The following MARCHF8 variants were observed in gnomAD, a reference collection of about 807,000 sequenced individuals.
The protein encoded by MARCHF8 is membrane associated ring-CH-type finger 8.
Under a neutral mutation model 51.6 loss-of-function variants are expected in MARCHF8, and 40 were observed. The ratio of observed to expected loss-of-function variants is 0.77; its 90% CI spans 0.60 to 1.01. The LOEUF (loss-of-function observed/expected upper bound fraction) is 1.01. Ranked by LOEUF, MARCHF8 falls within the 50% of genes least tolerant of loss-of-function variation. The pLI is 0.00. For missense variants in MARCHF8, 685 were observed against 708.6 expected, an observed-to-expected ratio of 0.97 and a Z score of 0.38; for synonymous variants, 263 against 280.3, an observed-to-expected ratio of 0.94 and a Z score of 0.62.
chr10:45,500,831 A>G (rs2043265543), intron 2 of MARCHF8, among the ~76,000 whole-genome samples: 1 of 152,074 alleles, frequency 6.6e-6, no homozygotes, highest in South Asian at 2.1e-4. Flanking sequence ...CAGAGGATAC[A>G]AAATAGACAT....
intron 1 of MARCHF8, among the ~76,000 whole-genome samples, chr10:45,587,123 A>G (rs1205550511): frequency 2.0e-5 from 3 of 152,174 alleles, no homozygotes; most frequent in African/African-American, 7.2e-5. Flanking sequence ...AAGGCAAGAA[A>G]AAGAAATAGA....
intron 2 of MARCHF8, among the ~76,000 whole-genome samples, chr10:45,495,460 C>CA (rs1395098784): frequency 6.6e-6 from 1 of 152,074 alleles, no homozygotes; most frequent in African/African-American, 2.4e-5. Context: ...ATTCAAAACT[C>CA]AGAGTTGACA....
At chr10:45,508,702 A>G (rs2133181344) in intron 2 of MARCHF8, among the ~76,000 whole-genome samples, 1 of 152,336 alleles carries the variant, frequency 6.6e-6, no homozygotes, top group South Asian at 2.1e-4. Flanking sequence ...TTGGTACATA[A>G]TATCTAGGAT....
chr10:45,509,450 G>A lies in MARCHF8; in HGVS notation c.103-20033C>T, dbSNP rs2043452712. Among the ~76,000 whole-genome samples the A allele has an allele frequency of 2.0e-5, 3 of 152,114 alleles. No homozygotes were observed. In the South Asian group the frequency reaches 6.2e-4, roughly 32 times the overall value. ...ATTCTCCCTGCTTGAGCCCTCCAAA[G>A]TTCAGAAACGTAATAAATATTCTAT... On this transcript the variant is annotated intron_variant, in intron 2 of 7. Coordinates refer to ENST00000453424, the MANE Select transcript of MARCHF8 (RefSeq NM_001282866.2).
At chr10:45,593,609 T>C (rs2044705225) in intron 1 of MARCHF8, 1 of 152,226 alleles carries the variant, frequency 6.6e-6, no homozygotes, top group South Asian at 2.1e-4. Flanking sequence ...CCCATTCCCA[T>C]TCTGTATCGG....
chr10:45,473,765 C>G (rs1000107217), intron 3 of MARCHF8, among the ~76,000 whole-genome samples: 9 of 152,174 alleles, frequency 5.9e-5, no homozygotes, highest in African/African-American at 2.2e-4. Context: ...TGAACAGCCA[C>G]AGTCAACACA....
At chr10:45,581,081 G>C (rs760504356) in intron 1 of MARCHF8, among the ~76,000 whole-genome samples, 10 of 152,160 alleles carry the variant, frequency 6.6e-5, no homozygotes, top group Non-Finnish European at 1.5e-4. Context: ...AACCATGGCA[G>C]AGGACCAGCT....
In MARCHF8 at chr10:45,463,824, C is replaced by T. The variant is rs757261525; in HGVS notation, c.415G>A (p.Ala139Thr). 82 of 1,547,248 alleles carry T rather than the reference C, an allele frequency of 5.3e-5. No individual in the cohort carries two copies. The East Asian group carries it at 1.7e-3, about 33-fold the overall frequency. Residue 139 changes from alanine (A) to threonine (T), a missense_variant, in exon 5 of 8, where the codon GCC (alanine) becomes ACC (threonine). By Grantham distance (58) the Ala-to-Thr change is moderately conservative (BLOSUM62 0). Coordinates refer to ENST00000453424, the MANE Select transcript of MARCHF8 (RefSeq NM_001282866.2). Reference protein sequence around the residue: ...RNSFGSEWAQALKPAKNTKAR... With the variant: ...RNSFGSEWAQTLKPAKNTKAR... ...TTGGTATTCTTAGCAGGCTTCAAGG[C>T]CTGGGCCCATTCTGAACCAAAGGAA... is the stretch of plus-strand genomic sequence containing the variant.
At chr10:45,505,135 C>T (rs1327671138) in intron 2 of MARCHF8, among the ~76,000 whole-genome samples, 1 of 152,216 alleles carries the variant, frequency 6.6e-6, no homozygotes, top group East Asian at 1.9e-4. Context: ...GCCTACTTCA[C>T]AGCACAGGAT....
At chr10:45,507,526 G>A (rs2043408545) in intron 2 of MARCHF8, among the ~76,000 whole-genome samples, 2 of 152,152 alleles carry the variant, frequency 1.3e-5, no homozygotes, top group Non-Finnish European at 2.9e-5. Context: ...GAGCAAGGAG[G>A]GAGGTGTCAG....
At chr10:45,558,397 A>G (rs1477902505) in intron 1 of MARCHF8, among the ~76,000 whole-genome samples, 2 of 152,318 alleles carry the variant, frequency 1.3e-5, no homozygotes, top group East Asian at 3.9e-4. Flanking sequence ...ACACTATCCT[A>G]CATAAAAGCA....
intron 2 of MARCHF8, among the ~76,000 whole-genome samples, chr10:45,503,313 A>G (rs35469686): frequency 0.062 from 9,370 of 152,126 alleles, 333 homozygotes; most frequent in Non-Finnish European, 0.066. Context: ...TGAGGCGGGC[A>G]GATCACGAGG....
intron 1 of MARCHF8, among the ~76,000 whole-genome samples, chr10:45,585,440 C>A (rs2044608206): frequency 6.6e-6 from 1 of 152,092 alleles, no homozygotes; most frequent in African/African-American, 2.4e-5. Context: ...ATGAATGAGT[C>A]TCAAATCTCA....
intron 3 of MARCHF8, among the ~76,000 whole-genome samples, chr10:45,488,702 C>A (rs1255893201): frequency 6.6e-6 from 1 of 152,180 alleles, no homozygotes; most frequent in Non-Finnish European, 1.5e-5. Context: ...GTCTTGCAAG[C>A]CTACTCTAGA....
At chr10:45,499,541 T>C (rs966922322) in intron 2 of MARCHF8, among the ~76,000 whole-genome samples, 2 of 152,182 alleles carry the variant, frequency 1.3e-5, no homozygotes, top group African/African-American at 4.8e-5. Context: ...TTTCCCTAGG[T>C]TTTCTTTTAA....
chr10:45,478,141 T>G (rs917445389), intron 3 of MARCHF8, among the ~76,000 whole-genome samples: 1 of 152,210 alleles, frequency 6.6e-6, no homozygotes, highest in Admixed American at 6.5e-5. Flanking sequence ...TTCTTCAGGA[T>G]AGGCCACAGG....
At chr10:45,583,249 T>C (rs1170067197) in intron 1 of MARCHF8, among the ~76,000 whole-genome samples, 4 of 152,112 alleles carry the variant, frequency 2.6e-5, no homozygotes, top group African/African-American at 9.7e-5. Context: ...GGCAAGTGAA[T>C]AGGGGAAAGA....
Position 45,533,205 on chromosome 10 carries a change from T to A in MARCHF8, c.7A>T (p.Met3Leu). Residue 3 changes from methionine to leucine, a missense_variant, in exon 2 of 8, where the codon ATG (methionine) becomes TTG (leucine). Transcript: ENST00000453424. ...ATGGCAGAGATCTGATGCAGTGGCATGCTCATCCCAACCTCTTATCTGGTC... is the reference window on the plus strand; with the variant it reads ...ATGGCAGAGATCTGATGCAGTGGCAAGCTCATCCCAACCTCTTATCTGGTC... The part of the protein sequence containing the change: MS[M>L]PLHQISAIPS... 3.7e-6 allele frequency: 6 copies of A among 1,610,106 alleles called. 1 individual carries two copies. Among genetic ancestry groups the A allele is most frequent in the Non-Finnish European group, 2.5e-6 (3 of 1,178,374 alleles).
intron 1 of MARCHF8, among the ~76,000 whole-genome samples, chr10:45,583,510 C>G (rs1202076843): frequency 6.6e-6 from 1 of 152,002 alleles, no homozygotes; most frequent in Non-Finnish European, 1.5e-5. Flanking sequence ...ATATATGTAC[C>G]CATATATTCT....
Sources: gnomAD v4.1 joint callset for allele counts (sites outside exome capture counted in the v4.1 genomes callset) on GRCh38, gnomAD v4.1.1 for gene constraint, MANE v1.5 for transcripts, NCBI Gene and HGNC (gene_info 2026-07-23, HGNC 2026-07-21) for gene names.